ZNF366: variants seen among roughly 807,000 people sequenced by gnomAD.
The protein encoded by ZNF366 is zinc finger protein 366, also known as dendritic cell-specific transcript protein.
A neutral mutation model predicts 47.2 loss-of-function variants in ZNF366; 20 were observed. The observed-to-expected ratio is 0.42, with a 90% CI of 0.30 to 0.62. ZNF366 has a LOEUF of 0.62. Among genes scored for constraint, ZNF366 ranks in the 20% least tolerant of loss-of-function variants. The pLI, the probability that ZNF366 is intolerant of heterozygous loss-of-function variation, is 0.16. For synonymous variants in ZNF366, 421 were observed against 395.1 expected (o/e 1.07, Z -0.78); for missense variants, 987 against 976.3 (o/e 1.01, Z -0.15).
chr5:72,488,949 G>C (rs371338526), intron 1 of ZNF366, among the ~76,000 whole-genome samples: 1 of 152,140 alleles, frequency 6.6e-6, no homozygotes, highest in East Asian at 1.9e-4. Flanking sequence ...CTCTTCTTTT[G>C]GGCACATGGT....
At chr5:72,484,259 C>A (rs538300139) in intron 1 of ZNF366, among the ~76,000 whole-genome samples, 2 of 151,734 alleles carry the variant, frequency 1.3e-5, no homozygotes, top group South Asian at 4.2e-4. Flanking sequence ...CCGAGGCGGG[C>A]GGATCACGAG....
chr5:72,484,021 C>T (rs1363508189), intron 1 of ZNF366, among the ~76,000 whole-genome samples: 1 of 152,180 alleles, frequency 6.6e-6, no homozygotes, highest in Non-Finnish European at 1.5e-5. Flanking sequence ...TGACCAATCT[C>T]ATTTCATCTA....
intron 1 of ZNF366, among the ~76,000 whole-genome samples, chr5:72,500,089 G>A (rs945667490): frequency 2.0e-5 from 3 of 152,162 alleles, no homozygotes; most frequent in Admixed American, 2.0e-4. Flanking sequence ...GTGTGGACTG[G>A]CGTCTCCTCT....
intron 1 of ZNF366, among the ~76,000 whole-genome samples, chr5:72,501,625 TCAGCCCAAGTGG>T: frequency 6.6e-6 from 1 of 152,242 alleles, no homozygotes; most frequent in Non-Finnish European, 1.5e-5. Flanking sequence ...TTTTGTCAAT[TCAGCCCAAGTGG>T]CATTCCTTTA....
chr5:72,471,118 T>C (rs1743553398), intron 1 of ZNF366, among the ~76,000 whole-genome samples: 2 of 152,174 alleles, frequency 1.3e-5, no homozygotes, highest in South Asian at 4.1e-4. Flanking sequence ...ACTGACTCAA[T>C]AGCTGCAGAT....
rs375756442 is a variant in ZNF366 at position 72,456,424 on chromosome 5, C to T, written c.1504G>A (p.Val502Met). Reference sequence around the variant, plus strand: ...CCCACCTTGCATTTGAAAGGCTTCACGTCAGAGTGGACGATCATGTGTGCC... The same window carrying T: ...CCCACCTTGCATTTGAAAGGCTTCATGTCAGAGTGGACGATCATGTGTGCC... ...LKAHMIVHSDVKPFKCKLCGK... is the reference protein window; with the variant it reads ...LKAHMIVHSDMKPFKCKLCGK... The change falls in exon 3 of 5, where the codon GTG becomes ATG. Residue 502 changes from valine to methionine, a missense_variant. By Grantham distance (21) the Val-to-Met change is conservative (BLOSUM62 1). Around this residue, in one of 3 missense-constraint regions of ZNF366, gnomAD observed 111 missense variants for 180.5 expected, o/e 0.61. Coordinates refer to ENST00000318442, the MANE Select transcript of ZNF366 (RefSeq NM_152625.3). The T allele has an allele frequency of 1.1e-5, 18 of 1,608,900 alleles. No homozygotes were observed. The highest frequency in any genetic ancestry group is 6.7e-5 in the African/African-American group (5 of 74,854).
chr5:72,493,040 T>C (rs958406619), intron 1 of ZNF366, among the ~76,000 whole-genome samples: 1 of 152,170 alleles, frequency 6.6e-6, no homozygotes, highest in African/African-American at 2.4e-5. Flanking sequence ...ATTCCCCAAA[T>C]GTAGCCTCTG....
chr5:72,462,094 C>T (rs879612272), intron 1 of ZNF366, among the ~76,000 whole-genome samples: 3 of 152,174 alleles, frequency 2.0e-5, no homozygotes, highest in Admixed American at 2.0e-4. Context: ...TTCAAAGCCT[C>T]ATAGGAGAAG....
chr5:72,501,047 C>T (rs1305987639), intron 1 of ZNF366, among the ~76,000 whole-genome samples: 1 of 152,210 alleles, frequency 6.6e-6, no homozygotes, highest in East Asian at 1.9e-4. Context: ...ATCTGTTAAA[C>T]AAGGTGGTTG....
chr5:72,451,042 A>T (rs1044994283), intron 3 of ZNF366, among the ~76,000 whole-genome samples: 1 of 152,280 alleles, frequency 6.6e-6, no homozygotes, highest in Non-Finnish European at 1.5e-5. Flanking sequence ...AAAAGCAGCC[A>T]TTGAAGTCAA....
chr5:72,481,399 C>A (rs1294406141), intron 1 of ZNF366, among the ~76,000 whole-genome samples: 2 of 151,990 alleles, frequency 1.3e-5, no homozygotes, highest in African/African-American at 4.8e-5. Context: ...TCTTTCAAGT[C>A]TTTTACTATG....
chr5:72,458,963 C>A (rs1743247181), intron 2 of ZNF366, among the ~76,000 whole-genome samples: 2 of 152,146 alleles, frequency 1.3e-5, no homozygotes, highest in Non-Finnish European at 2.9e-5. Context: ...TATAAAGGAG[C>A]CCCTGAAGTT....
intron 1 of ZNF366, among the ~76,000 whole-genome samples, chr5:72,467,590 T>C (rs1388141249): frequency 6.6e-6 from 1 of 152,222 alleles, no homozygotes; most frequent in African/African-American, 2.4e-5. Context: ...GTAAATATTC[T>C]TGAAAGAGTC....
At chr5:72,458,476 G>T (rs1743235069) in intron 2 of ZNF366, among the ~76,000 whole-genome samples, 1 of 152,210 alleles carries the variant, frequency 6.6e-6, no homozygotes, top group South Asian at 2.1e-4. Context: ...ATGCAAATGA[G>T]CAGGAGCCTG....
At chr5:72,459,934 C>T (rs939884511) in intron 2 of ZNF366, among the ~76,000 whole-genome samples, 16 of 152,352 alleles carry the variant, frequency 1.1e-4, no homozygotes, top group Admixed American at 2.0e-4. Context: ...TCTAGGCCTA[C>T]CTTAGAGTCT....
chr5:72,471,441 A>G (rs761179753), intron 1 of ZNF366, among the ~76,000 whole-genome samples: 1 of 152,144 alleles, frequency 6.6e-6, no homozygotes, highest in African/African-American at 2.4e-5. Context: ...CCTTGTGTAC[A>G]TGTACAGATA....
chr5:72,478,375 A>G (rs1041662080), intron 1 of ZNF366, among the ~76,000 whole-genome samples: 4 of 152,198 alleles, frequency 2.6e-5, no homozygotes, highest in African/African-American at 9.7e-5. Flanking sequence ...CCCTGCATCA[A>G]TCCTGCAACA....
At position 72,507,364 on chromosome 5, in the gene ZNF366, A is replaced by G; in HGVS notation, c.-128T>C. 3 of 985,438 alleles carry G rather than the reference A, an allele frequency of 3.0e-6. No individual in the cohort carries two copies. The highest frequency in any genetic ancestry group is 3.6e-6 in the Non-Finnish European group (3 of 829,978). 61.0% of individuals were successfully genotyped at this position (985,438 alleles called of 1,614,324 possible). Reference sequence around the variant, plus strand: ...TTCTCTTGTGTACAGATTGCAGGGAACTTAAAGAACTCGCAGGGACAGTGT... The same window carrying G: ...TTCTCTTGTGTACAGATTGCAGGGAGCTTAAAGAACTCGCAGGGACAGTGT... On this transcript the variant is annotated 5_prime_UTR_variant, in exon 1 of 5. Transcript: ENST00000318442.
intron 1 of ZNF366, among the ~76,000 whole-genome samples, chr5:72,498,063 A>G (rs931182090): frequency 1.3e-5 from 2 of 152,060 alleles, no homozygotes; most frequent in African/African-American, 2.4e-5. Flanking sequence ...TTGTAATGCA[A>G]TAAAATGCAT....
Sources: gnomAD v4.1 joint callset for allele counts (sites outside exome capture counted in the v4.1 genomes callset) on GRCh38, gnomAD v4.1.1 for gene constraint, gnomAD v4.1.1 regional missense constraint, MANE v1.5 for transcripts, NCBI Gene and HGNC (gene_info 2026-07-23, HGNC 2026-07-21) for gene names.